RFFL: variants seen among roughly 807,000 people sequenced by gnomAD.
The protein encoded by RFFL is ring finger and FYVE like domain containing E3 ubiquitin protein ligase.
In RFFL, 16 loss-of-function variants were observed where a neutral mutation model predicts 40.4. That is an observed-to-expected ratio of 0.40 (90% confidence interval 0.27 to 0.60). RFFL has a LOEUF of 0.60. RFFL is among the 20% of genes least tolerant of loss of function. The pLI is 0.47. For missense variants in RFFL, 367 were observed against 451.7 expected, an observed-to-expected ratio of 0.81 and a Z score of 1.70; for synonymous variants, 154 against 167.9, an observed-to-expected ratio of 0.92 and a Z score of 0.64.
At chr17:35,032,351 T>C (rs143716975) in intron 1 of RFFL, among the ~76,000 whole-genome samples, 2 of 151,984 alleles carry the variant, frequency 1.3e-5, no homozygotes, top group East Asian at 1.9e-4. Context: ...AAGCAGGAAG[T>C]TGCTGCAGTA....
intron 1 of RFFL, chr17:35,073,692 G>C (rs1396456527): frequency 6.6e-6 from 1 of 151,894 alleles, no homozygotes; most frequent in Admixed American, 6.6e-5. Context: ...AGGCCCTATG[G>C]GGCACTAACA....
intron 1 of RFFL, among the ~76,000 whole-genome samples, chr17:35,028,186 A>G (rs1162142516): frequency 6.6e-6 from 1 of 151,590 alleles, no homozygotes; most frequent in East Asian, 1.9e-4. Flanking sequence ...AAATACAAAA[A>G]TCAGCCAGGT....
chr17:35,027,414 C>CCTCTGTAGG lies in RFFL; in HGVS notation c.-8-862_-8-854dup, dbSNP rs1310529966. Among the ~76,000 whole-genome samples, 4 of 152,122 alleles carry CCTCTGTAGG rather than the reference C, an allele frequency of 2.6e-5. No individual in the cohort carries two copies. In the East Asian group the frequency reaches 7.7e-4, roughly 29 times the overall value. ...TATTTGCTTCCTTACTGAATCAGAG[C>CCTCTGTAGG]CTCTGTAGGTTTATTAAGAAGTGTT... On this transcript the variant is annotated intron_variant, in intron 1 of 6. Transcript: ENST00000394597.
In RFFL at chr17:35,087,417, A is replaced by T. The variant is rs571255444; in HGVS notation, c.-9+1688T>A. ...AGTTATGTCAACTGGCTTGGTCATG[A>T]GAGAAGGTTTGAAAGAAATTGATTT... On this transcript the variant is annotated intron_variant, in intron 1 of 6. Coordinates refer to the RFFL transcript ENST00000315249. Among the ~76,000 whole-genome samples, 61 of 151,906 alleles carry T rather than the reference A, an allele frequency of 4.0e-4. 1 individual carries two copies. The South Asian group carries it at 0.012, about 29-fold the overall frequency.
At chr17:35,067,195 G>A (rs1306041060), upstream of RFFL, among the ~76,000 whole-genome samples, 2 of 149,662 alleles carry the variant, frequency 1.3e-5, no homozygotes, top group African/African-American at 5.0e-5. Context: ...TCAGCTCACT[G>A]CAACCTCCAC....
chr17:35,080,815 CA>C (rs2091400129), intron 1 of RFFL, among the ~76,000 whole-genome samples: 1 of 152,146 alleles, frequency 6.6e-6, no homozygotes, highest in Non-Finnish European at 1.5e-5. Context: ...TAGAACTAGC[CA>C]CTGGTAGAAA....
At position 35,079,304 on chromosome 17, in the gene RFFL, G is replaced by T. The variant is rs117993658; in HGVS notation, c.-9+9801C>A. Among the ~76,000 whole-genome samples the T allele has an allele frequency of 2.6e-5, 4 of 152,122 alleles. No homozygotes were observed. The East Asian group carries it at 7.7e-4, about 29-fold the overall frequency. The stretch of plus-strand genomic sequence containing the variant: ...CTCCCAAAGTGCTGGGATTACAGGC[G>T]TGAGCCACCGCCCAACCTGTTTGTG... On this transcript the variant is annotated intron_variant, in intron 1 of 6. Transcript: ENST00000315249.
chr17:35,087,239 T>A (rs1288288922), intron 1 of RFFL, among the ~76,000 whole-genome samples: 4 of 151,862 alleles, frequency 2.6e-5, no homozygotes, highest in Non-Finnish European at 5.9e-5. Context: ...AGGTCCCAGC[T>A]ACTCAGGAGG....
chr17:35,029,205 G>T (rs1028004444), intron 1 of RFFL, among the ~76,000 whole-genome samples: 4 of 151,950 alleles, frequency 2.6e-5, no homozygotes, highest in Admixed American at 6.6e-5. Context: ...GCCTTTACTT[G>T]CAATTAACAG....
chr17:35,041,701 C>T (rs534625327), intron 1 of RFFL, among the ~76,000 whole-genome samples: 8 of 151,524 alleles, frequency 5.3e-5, no homozygotes, highest in Admixed American at 1.3e-4. Context: ...TTTTTTTTAC[C>T]GCATCCAGCT....
intron 1 of RFFL, among the ~76,000 whole-genome samples, chr17:35,027,115 A>C (rs1401887037): frequency 1.3e-5 from 2 of 152,208 alleles, no homozygotes; most frequent in African/African-American, 4.8e-5. Flanking sequence ...CTACAAACCC[A>C]GGTCTTCTGA....
chr17:35,055,587 C>T (rs959546778), intron 1 of RFFL, among the ~76,000 whole-genome samples: 3 of 151,048 alleles, frequency 2.0e-5, no homozygotes, highest in African/African-American at 4.9e-5. Context: ...AGGAGAATCA[C>T]TTGAACCCAG....
chr17:35,013,666 A>G (rs2090955035), intron 6 of RFFL, among the ~76,000 whole-genome samples: 1 of 152,256 alleles, frequency 6.6e-6, no homozygotes, highest in African/African-American at 2.4e-5. Context: ...TGGTCCTAAC[A>G]GAGGTTTGGA....
At chr17:35,079,339 AAAC>A (rs2091393265) in intron 1 of RFFL, among the ~76,000 whole-genome samples, 1 of 152,304 alleles carries the variant, frequency 6.6e-6, no homozygotes, top group Middle Eastern at 3.4e-3. Context: ...GTTGTTTCTA[AAAC>A]AACAACATAA....
intron 3 of RFFL, 22 bp downstream of exon 3, chr17:35,021,349 G>A (rs377713752): frequency 2.1e-5 from 32 of 1,515,310 alleles, no homozygotes; most frequent in Non-Finnish European, 2.8e-5. Context: ...CAGACTGGCA[G>A]AGACTACAAA....
upstream of RFFL, among the ~76,000 whole-genome samples, chr17:35,066,828 A>G (rs2091322824): frequency 6.6e-6 from 1 of 151,818 alleles, no homozygotes; most frequent in South Asian, 2.1e-4. Flanking sequence ...TTGATAATTA[A>G]TGATTGCCAA....
chr17:35,014,782 G>C lies in RFFL; in HGVS notation c.887-19C>G, dbSNP rs2090963232. On this transcript the variant is annotated intron_variant, in intron 5 of 6. Coordinates refer to ENST00000394597, the MANE Select transcript of RFFL (RefSeq NM_001017368.2). ...CCACTGACTGAAAAGGAAAGAGAAGGATGTCTGAATAGGTAAGGCATGATG... is the reference window on the plus strand; with the variant it reads ...CCACTGACTGAAAAGGAAAGAGAAGCATGTCTGAATAGGTAAGGCATGATG... 2 of 1,611,568 alleles carry C rather than the reference G, an allele frequency of 1.2e-6. No individual in the cohort carries two copies. The highest frequency in any genetic ancestry group is 2.7e-5 in the African/African-American group (2 of 74,842).
intron 1 of RFFL, among the ~76,000 whole-genome samples, chr17:35,032,094 CAAAA>C (rs11308568): frequency 1.2e-5 from 1 of 82,152 alleles, no homozygotes; most frequent in Non-Finnish European, 2.9e-5. Flanking sequence ...GACTCCGTCT[CAAAA>C]AAAAAAAAAA....
At position 35,029,872 on chromosome 17, in the gene RFFL, T is replaced by C. The variant is rs372775852; in HGVS notation, c.-8-3311A>G. ...CAACGCCACGACAGTCCCCAGAGTA[T>C]GATGTTCCCCTTCCTGTGTCCATGT... On this transcript the variant is annotated intron_variant, in intron 1 of 6. Coordinates refer to ENST00000394597, the MANE Select transcript of RFFL (RefSeq NM_001017368.2). Among the ~76,000 whole-genome samples, 13 of 131,284 alleles carry C rather than the reference T, an allele frequency of 9.9e-5. 1 individual carries two copies. Among genetic ancestry groups the C allele is most frequent in the Middle Eastern group, 4.3e-3 (1 of 232 alleles). 86.1% of individuals were successfully genotyped at this position (131,284 alleles called of 152,430 possible).
Sources: gnomAD v4.1 joint callset for allele counts (sites outside exome capture counted in the v4.1 genomes callset) on GRCh38, gnomAD v4.1.1 for gene constraint, MANE v1.5 for transcripts, NCBI Gene and HGNC (gene_info 2026-07-23, HGNC 2026-07-21) for gene names.